The following REEP1 variants were observed in gnomAD, a reference collection of about 807,000 sequenced individuals.
The protein encoded by REEP1 is receptor expression-enhancing protein 1.
A neutral mutation model predicts 40.3 loss-of-function variants in REEP1; 22 were observed. That is an observed-to-expected ratio of 0.55 (90% CI 0.39 to 0.78). REEP1 has a LOEUF of 0.78. REEP1 is among the 30% of genes least tolerant of loss of function. The probability of loss-of-function intolerance (pLI) is 0.00; values close to 1 mark genes in which losing one functional copy is unlikely to be tolerated. For synonymous variants in REEP1, 116 were observed against 139.2 expected, an observed-to-expected ratio of 0.83 and a Z score of 1.17; for missense variants, 280 against 361.1, an observed-to-expected ratio of 0.78 and a Z score of 1.82.
At position 86,215,023 on chromosome 2, in the gene REEP1, CTTTTTTTTTTTT is replaced by C. The variant is rs11350708; in HGVS notation, c.*2004_*2015del. 2 of 59,558 alleles carry C rather than the reference CTTTTTTTTTTTT, an allele frequency of 3.4e-5. No homozygotes were observed. The highest frequency in any genetic ancestry group is 1.3e-4 in the African/African-American group (2 of 15,106). The allele number at this position is 59,558 out of a possible 1,614,324, so 3.7% of individuals were successfully genotyped here. On this transcript the variant is annotated 3_prime_UTR_variant, in exon 9 of 9. Coordinates refer to ENST00000538924, the MANE Select transcript of REEP1 (RefSeq NM_001371279.1). ...AAAAATTGCTAAGAAGCTGTGTAAGCTTTTTTTTTTTTTTTTTTTTTTTGCATTCGTTTCTGA... is the reference window on the plus strand; with the variant it reads ...AAAAATTGCTAAGAAGCTGTGTAAGCTTTTTTTTTTTGCATTCGTTTCTGA...
intron 5 of REEP1, among the ~76,000 whole-genome samples, chr2:86,249,007 C>T (rs1200017981): frequency 6.6e-6 from 1 of 152,112 alleles, no homozygotes; most frequent in Non-Finnish European, 1.5e-5. Flanking sequence ...GCCTGTAATC[C>T]CAGCACTTTG....
intron 2 of REEP1, among the ~76,000 whole-genome samples, chr2:86,267,998 TC>T (rs1286067877): frequency 1.3e-5 from 2 of 151,530 alleles, no homozygotes; most frequent in African/African-American, 4.8e-5. Flanking sequence ...GGGAAGCTCC[TC>T]AACTTGATAA....
In REEP1 at chr2:86,220,038, C is replaced by T. The variant is rs914629625; in HGVS notation, c.715G>A (p.Glu239Lys). ...ATGAAATCCAGCAGGTCTTCCTCCTCGTCGTCAGAAAACGCCAATGGGTTT... is the reference window on the plus strand; with the variant it reads ...ATGAAATCCAGCAGGTCTTCCTCCTTGTCGTCAGAAAACGCCAATGGGTTT... ...VQNPLAFSDD[E>K]EEDLLDFMYK... Residue 239 changes from glutamate (E) to lysine (K), a missense_variant, in exon 8 of 9, where the codon GAG becomes AAG. This residue lies in a region of REEP1 where 201 missense variants were observed against 238.5 expected (regional missense o/e 0.84). Transcript: ENST00000538924. 33 of 1,232,050 alleles carry T rather than the reference C, an allele frequency of 2.7e-5. No homozygotes were observed. The highest frequency in any genetic ancestry group is 1.7e-4 in the Admixed American group (4 of 23,696). The allele number at this position is 1,232,050 out of a possible 1,614,324, so 76.3% of individuals were successfully genotyped here. A position where few individuals can be genotyped will look rare whatever the true frequency, so the allele number is the denominator to read the frequency against.
chr2:86,337,599 G>A lies in REEP1; in HGVS notation c.-89C>T. On this transcript the variant is annotated 5_prime_UTR_variant, in exon 1 of 9. Transcript: ENST00000538924. This position sits in a 1 kb window ranked among gnomAD's most constrained non-coding sequence, Gnocchi z 5.8. ...CTGCTGCGGCGTTCCCGGAACGTCA[G>A]TCAGCTCACGGCAGCCGCCGCCAGA... 1 of 1,155,224 alleles carries A rather than the reference G, an allele frequency of 8.7e-7. No individual in the cohort carries two copies. The highest frequency in any genetic ancestry group is 1.1e-6 in the Non-Finnish European group (1 of 940,208). 71.6% of individuals were successfully genotyped at this position (1,155,224 alleles called of 1,614,324 possible). A position where few individuals can be genotyped will look rare whatever the true frequency, so the allele number is the denominator to read the frequency against.
intron 1 of REEP1, chr2:86,297,766 T>G: frequency 1.0e-6 from 1 of 979,378 alleles, no homozygotes; most frequent in Non-Finnish European, 1.2e-6. Context: ...TGGTTCTGGG[T>G]GTGAGGGAAA....
chr2:86,264,676 A>G (rs1284779656), intron 2 of REEP1, among the ~76,000 whole-genome samples: 5 of 152,200 alleles, frequency 3.3e-5, no homozygotes, highest in Admixed American at 2.0e-4. Flanking sequence ...TCAAGTCCAG[A>G]TTCCTTAGTC....
chr2:86,312,272 C>T (rs1679798664), intron 1 of REEP1, among the ~76,000 whole-genome samples: 1 of 152,246 alleles, frequency 6.6e-6, no homozygotes, highest in Non-Finnish European at 1.5e-5. Context: ...CACATAACTT[C>T]ATACTGGCTG....
chr2:86,282,250 GAAGA>G lies in REEP1; in HGVS notation c.33-12_33-9del. ...AGGGTGCCAAATATAAGCCTGGAGG[GAAGA>G]GAGACAAAAATAAATACGATTTTTC... is the stretch of plus-strand genomic sequence containing the variant. On this transcript the variant is annotated splice_polypyrimidine_tract_variant and intron_variant, in intron 1 of 8. Transcript: ENST00000538924. 4.4e-6 allele frequency: 7 copies of G among 1,589,960 alleles called. No individual in the cohort carries two copies. The highest frequency in any genetic ancestry group is 6.0e-6 in the Non-Finnish European group (7 of 1,158,110).
intron 7 of REEP1, 144 bp from the exon 8 acceptor site, chr2:86,220,265 G>T: frequency 2.2e-6 from 1 of 456,994 alleles, no homozygotes; most frequent in Non-Finnish European, 3.6e-6. Flanking sequence ...GTCTGAGGAA[G>T]CACTGATGTT....
At chr2:86,217,684 T>TTTTTTTTTTTTTC (rs1553456158) in intron 8 of REEP1, among the ~76,000 whole-genome samples, 12 of 127,854 alleles carry the variant, frequency 9.4e-5, no homozygotes, top group East Asian at 2.9e-4. Flanking sequence ...TTTTTTTTTT[T>TTTTTTTTTTTTTC]CAGATTTTGG....
intron 7 of REEP1, among the ~76,000 whole-genome samples, chr2:86,221,890 C>T (rs553029085): frequency 3.9e-5 from 6 of 152,264 alleles, no homozygotes; most frequent in African/African-American, 1.4e-4. Flanking sequence ...AGACCAAAAG[C>T]CCTCAGACCA....
At chr2:86,264,203 C>T (rs1677024843) in intron 2 of REEP1, among the ~76,000 whole-genome samples, 162 bp from the exon 3 acceptor site, 1 of 152,194 alleles carries the variant, frequency 6.6e-6, no homozygotes, top group South Asian at 2.1e-4. Context: ...ATGTCCAGTT[C>T]TGCTCCAGAT....
chr2:86,228,738 G>A (rs975669053), intron 6 of REEP1, among the ~76,000 whole-genome samples: 5 of 152,238 alleles, frequency 3.3e-5, no homozygotes, highest in East Asian at 1.9e-4. Flanking sequence ...GATTACAGGC[G>A]TGAGTCACCG....
At chr2:86,217,157 G>C in intron 8 of REEP1, 47 bp from the exon 9 acceptor site, 1 of 1,543,200 alleles carries the variant, frequency 6.5e-7, no homozygotes, top group Non-Finnish European at 9.0e-7. Context: ...TGTAAATGTG[G>C]GATCTTTTGA....
chr2:86,270,612 T>C (rs998253048), intron 2 of REEP1, among the ~76,000 whole-genome samples: 6 of 152,110 alleles, frequency 3.9e-5, no homozygotes, highest in African/African-American at 1.4e-4. Context: ...AAGAAACAAA[T>C]GATATCCTAG....
At chr2:86,307,813 G>C (rs755070354) in intron 1 of REEP1, among the ~76,000 whole-genome samples, 1 of 151,864 alleles carries the variant, frequency 6.6e-6, no homozygotes, top group Non-Finnish European at 1.5e-5. Flanking sequence ...ACCAAGAGAA[G>C]TGAAATACAA....
intron 1 of REEP1, among the ~76,000 whole-genome samples, chr2:86,303,635 T>G (rs1350164436): frequency 6.6e-6 from 1 of 152,028 alleles, no homozygotes; most frequent in African/African-American, 2.4e-5. Flanking sequence ...AAAGTGCTAG[T>G]GTTACAGGTG....
chr2:86,254,963 G>A (rs1676475967), intron 3 of REEP1, 149 bp from the exon 4 acceptor site: 2 of 775,182 alleles, frequency 2.6e-6, no homozygotes, highest in Non-Finnish European at 4.3e-6. Flanking sequence ...ACCTATGAAG[G>A]TGAGGGCACA....
rs1677255395 is a variant in REEP1 at position 86,268,405 on chromosome 2, G to T, written c.106-4364C>A. Among the ~76,000 whole-genome samples, 3 of 152,190 alleles carry T rather than the reference G, an allele frequency of 2.0e-5. No homozygotes were observed. In the South Asian group the frequency reaches 6.2e-4, roughly 32 times the overall value. ...ACTTATGTTAGTACCATCTAAAAAT[G>T]AATAACTTAGAAATGTATCAAACAG... is the stretch of plus-strand genomic sequence containing the variant. On this transcript the variant is annotated intron_variant, in intron 2 of 8. Coordinates refer to ENST00000538924, the MANE Select transcript of REEP1 (RefSeq NM_001371279.1).
Sources: gnomAD v4.1 joint callset for allele counts (sites outside exome capture counted in the v4.1 genomes callset) on GRCh38, gnomAD v4.1.1 for gene constraint, gnomAD v4.1.1 regional missense constraint, Gnocchi (gnomAD v3.1) non-coding constraint, MANE v1.5 for transcripts, NCBI Gene and HGNC (gene_info 2026-07-23, HGNC 2026-07-21) for gene names.